The following KANSL1 variants were observed in gnomAD, a reference collection of about 807,000 sequenced individuals.
KANSL1 encodes KAT8 regulatory NSL complex subunit 1.
In KANSL1, 22 loss-of-function variants were observed where a neutral mutation model predicts 103.6. The observed-to-expected ratio is 0.21, with a 90% CI of 0.15 to 0.30. The LOEUF (loss-of-function observed/expected upper bound fraction) is 0.30, where lower values mean the gene tolerates loss of function less well. KANSL1 is among the 10% of genes least tolerant of loss of function. KANSL1 has a pLI of 1.00. For missense variants in KANSL1, 1,337 were observed against 1,399.8 expected (o/e 0.96, Z 0.72); for synonymous variants, 600 against 527.6 (o/e 1.14, Z -1.88).
intron 3 of KANSL1, among the ~76,000 whole-genome samples, chr17:46,084,034 A>C (rs745601614): frequency 7.2e-5 from 11 of 152,158 alleles, no homozygotes; most frequent in African/African-American, 9.7e-5. Flanking sequence ...GAAGCAAAAG[A>C]AGCACTGCCT....
At chr17:46,032,783 G>A (rs1249482966) in intron 13 of KANSL1, among the ~76,000 whole-genome samples, 2 of 152,260 alleles carry the variant, frequency 1.3e-5, no homozygotes, top group African/African-American at 4.8e-5. Context: ...AGCTCCCCGG[G>A]TTGAATCACC....
chr17:46,048,668 A>C (rs1432862979), intron 7 of KANSL1, among the ~76,000 whole-genome samples: 1 of 152,226 alleles, frequency 6.6e-6, no homozygotes, highest in Admixed American at 6.5e-5. Context: ...GTGAAAATTC[A>C]ATGAAACCAA....
chr17:46,217,782 T>C (rs1241072428), intron 1 of KANSL1, among the ~76,000 whole-genome samples: 1 of 152,180 alleles, frequency 6.6e-6, no homozygotes, highest in African/African-American at 2.4e-5. Flanking sequence ...CCCAGCACTT[T>C]GGGAGGCCAA....
chr17:46,082,205 TGTA>T (rs2079011519), intron 4 of KANSL1, among the ~76,000 whole-genome samples: 3 of 152,208 alleles, frequency 2.0e-5, no homozygotes, highest in Non-Finnish European at 4.4e-5. Flanking sequence ...TTGCTCTGGC[TGTA>T]GTGTTTTGAG....
At chr17:46,096,311 C>CTTTTTT (rs71138525) in intron 2 of KANSL1, among the ~76,000 whole-genome samples, 1,403 of 76,334 alleles carry the variant, frequency 0.018, 136 homozygotes, top group African/African-American at 0.062. Flanking sequence ...GCTTTTTTTT[C>CTTTTTT]TTTTTTTTTT....
At chr17:46,182,429 CA>C (rs1229584772) in intron 1 of KANSL1, among the ~76,000 whole-genome samples, 1 of 152,178 alleles carries the variant, frequency 6.6e-6, no homozygotes, top group Non-Finnish European at 1.5e-5. Context: ...TACATATGAA[CA>C]AAAGTAGATT....
chr17:46,140,896 G>T (rs909336967), intron 2 of KANSL1, among the ~76,000 whole-genome samples: 1 of 152,172 alleles, frequency 6.6e-6, no homozygotes, highest in Non-Finnish European at 1.5e-5. Context: ...AATGTGGAGA[G>T]AATGGAACCC....
chr17:46,080,708 C>G (rs2078958770), intron 4 of KANSL1, among the ~76,000 whole-genome samples: 1 of 148,818 alleles, frequency 6.7e-6, no homozygotes, highest in African/African-American at 2.5e-5. Flanking sequence ...GCTCCCCCCA[C>G]CCCACCCCCC....
chr17:46,092,959 G>C (rs1206975149), intron 3 of KANSL1: 3 of 152,132 alleles, frequency 2.0e-5, no homozygotes, highest in African/African-American at 7.2e-5. Flanking sequence ...AAATGTAGCA[G>C]TTTTATAACA....
At chr17:46,160,053 A>G (rs1405535921) in intron 2 of KANSL1, among the ~76,000 whole-genome samples, 1 of 152,198 alleles carries the variant, frequency 6.6e-6, no homozygotes, top group Non-Finnish European at 1.5e-5. Context: ...GTTATCTTCT[A>G]TTCAGAAGAT....
chr17:46,157,825 C>A (rs900002878), intron 2 of KANSL1, among the ~76,000 whole-genome samples: 2 of 152,250 alleles, frequency 1.3e-5, no homozygotes, highest in African/African-American at 4.8e-5. Context: ...AAAGACTGGC[C>A]TGTCCTCCCA....
intron 3 of KANSL1, among the ~76,000 whole-genome samples, chr17:46,088,059 C>T (rs1049445548): frequency 2.3e-4 from 35 of 152,306 alleles, no homozygotes; most frequent in Admixed American, 1.8e-3. Context: ...CCTTTTCCTT[C>T]GCCATGTCCC....
chr17:46,095,906 T>A (rs1044378236), intron 2 of KANSL1, among the ~76,000 whole-genome samples: 1 of 152,172 alleles, frequency 6.6e-6, no homozygotes, highest in Admixed American at 6.5e-5. Context: ...AAATGTGTCA[T>A]CTCGTTAAAA....
chr17:46,110,804 G>A (rs1181157234), intron 2 of KANSL1, among the ~76,000 whole-genome samples: 1 of 152,146 alleles, frequency 6.6e-6, no homozygotes, highest in Non-Finnish European at 1.5e-5. Flanking sequence ...GGTTGGGGTG[G>A]GAGGTGGGGA....
At chr17:46,170,394 G>C (rs1597868836) in intron 2 of KANSL1, 1 of 170,310 alleles carries the variant, frequency 5.9e-6, no homozygotes, top group Admixed American at 6.3e-5. Flanking sequence ...TTGAAGACTG[G>C]GTGTGCTCTC....
intron 2 of KANSL1, among the ~76,000 whole-genome samples, chr17:46,160,424 G>A (rs2696570): frequency 0.14 from 21,969 of 151,954 alleles, 2,136 homozygotes; most frequent in Non-Finnish European, 0.22. Flanking sequence ...TCAGCCTCCC[G>A]TGTAAGCTGG....
intron 2 of KANSL1, among the ~76,000 whole-genome samples, chr17:46,127,110 C>T (rs1335379916): frequency 1.2e-4 from 19 of 152,174 alleles, no homozygotes; most frequent in Admixed American, 1.0e-3. Flanking sequence ...AAATAAATGT[C>T]CTTTACAGAA....
intron 6 of KANSL1, among the ~76,000 whole-genome samples, chr17:46,063,896 G>GTT (rs748269019): frequency 9.0e-5 from 12 of 132,848 alleles, no homozygotes; most frequent in Admixed American, 2.3e-4. Flanking sequence ...TGAGGTGGCG[G>GTT]TTTTTTTTTT....
chr17:46,067,692 A>G, intron 4 of KANSL1, 25 bp from the exon 5 acceptor site: 1 of 1,264,090 alleles, frequency 7.9e-7, no homozygotes, highest in East Asian at 2.3e-5. Flanking sequence ...GGAAAAAAGA[A>G]ATTAACATGT....
Sources: gnomAD v4.1 joint callset for allele counts (sites outside exome capture counted in the v4.1 genomes callset) on GRCh38, gnomAD v4.1.1 for gene constraint, MANE v1.5 for transcripts, NCBI Gene and HGNC (gene_info 2026-07-23, HGNC 2026-07-21) for gene names.